ADRA1A: variants seen among roughly 807,000 people sequenced by gnomAD.
ADRA1A encodes alpha-1A adrenergic receptor.
ADRA1A carries 31 observed loss-of-function variants against 29.6 expected under a neutral mutation model. That is an observed-to-expected ratio of 1.05 (90% CI 0.79 to 1.41). The LOEUF is 1.41. Ranked by LOEUF, ADRA1A falls within the 40% of genes most tolerant of loss-of-function variation. ADRA1A has a pLI of 0.00. For synonymous variants in ADRA1A, 311 were observed against 254.3 expected, an observed-to-expected ratio of 1.22 and a Z score of -2.12; for missense variants, 619 against 601.1, an observed-to-expected ratio of 1.03 and a Z score of -0.31.
rs1813833580 is a variant in ADRA1A at position 26,865,400 on chromosome 8, G to T, written c.-431C>A. 1 of 1,006,980 alleles carries T rather than the reference G, an allele frequency of 9.9e-7. No homozygotes were observed. The highest frequency in any genetic ancestry group is 1.2e-6 in the Non-Finnish European group (1 of 842,968). The allele number at this position is 1,006,980 out of a possible 1,614,324, so 62.4% of individuals were successfully genotyped here. A position where few individuals can be genotyped will look rare whatever the true frequency, so the allele number is the denominator to read the frequency against. On this transcript the variant is annotated 5_prime_UTR_variant, in exon 2 of 3. Coordinates refer to ENST00000380573, the MANE Select transcript of ADRA1A (RefSeq NM_000680.4). The surrounding 1 kb of genome is among the most constrained non-coding windows in gnomAD (Gnocchi z 7.6). The stretch of plus-strand genomic sequence containing the variant: ...GATTCAGCATTCTGCACATGATTCG[G>T]AATTCAAAACTCCAGCGCCAGTCTC...
At chr8:26,811,898 T>C (rs1264237914) in intron 2 of ADRA1A, among the ~76,000 whole-genome samples, 2 of 152,252 alleles carry the variant, frequency 1.3e-5, no homozygotes, top group Non-Finnish European at 2.9e-5. Flanking sequence ...CATTGTTATA[T>C]GCATCAGTGC....
chr8:26,782,167 A>C (rs1470026351), intron 2 of ADRA1A, among the ~76,000 whole-genome samples: 12 of 152,174 alleles, frequency 7.9e-5, no homozygotes, highest in Admixed American at 7.9e-4. Context: ...CCCTGCCTGG[A>C]TTAAGCTAGG....
intron 2 of ADRA1A, among the ~76,000 whole-genome samples, chr8:26,824,574 C>A (rs186406266): frequency 6.6e-6 from 1 of 152,114 alleles, no homozygotes; most frequent in African/African-American, 2.4e-5. Flanking sequence ...CCTGTTCAAT[C>A]GAGTGCTCTT....
At position 26,775,954 on chromosome 8, in the gene ADRA1A, T is replaced by A. The variant is rs1316996324; in HGVS notation, c.884-5288A>T. Among the ~76,000 whole-genome samples the A allele has an allele frequency of 6.6e-6, 1 of 152,194 alleles. No individual in the cohort carries two copies. The highest frequency in any genetic ancestry group is 1.5e-5 in the Non-Finnish European group (1 of 68,036). ...CTATGTCTTTCCACTGAATGCTATA[T>A]CCATTGGGAAAATCTGACTTCATTT... is the stretch of plus-strand genomic sequence containing the variant. On this transcript the variant is annotated intron_variant, in intron 2 of 2. Transcript: ENST00000380573. The surrounding 1 kb of genome is among the most constrained non-coding windows in gnomAD (Gnocchi z 4.1).
intron 2 of ADRA1A, among the ~76,000 whole-genome samples, chr8:26,813,936 G>A (rs1321896185): frequency 6.6e-6 from 1 of 152,150 alleles, no homozygotes; most frequent in Non-Finnish European, 1.5e-5. Context: ...CTCTACAAGT[G>A]ACATGGACCT....
At chr8:26,828,431 T>C (rs1256168867) in intron 2 of ADRA1A, among the ~76,000 whole-genome samples, 7 of 152,178 alleles carry the variant, frequency 4.6e-5, no homozygotes, top group African/African-American at 1.7e-4. Flanking sequence ...TCCCTATCCC[T>C]GTTAAAATAA....
In ADRA1A at chr8:26,769,449, C is replaced by A. The variant is rs1382310919; in HGVS notation, c.*700G>T. 1 of 985,280 alleles carries A rather than the reference C, an allele frequency of 1.0e-6. No individual in the cohort carries two copies. Among genetic ancestry groups the A allele is most frequent in the Non-Finnish European group, 1.2e-6 (1 of 829,928 alleles). 61.0% of individuals were successfully genotyped at this position (985,280 alleles called of 1,614,324 possible). ...AAAAGCCATACCACCCTGGTTGGTT[C>A]TTTCAACCCTCTCCTGACCCAAGGA... is the stretch of plus-strand genomic sequence containing the variant. On this transcript the variant is annotated 3_prime_UTR_variant, in exon 3 of 3. Transcript: ENST00000380573.
chr8:26,856,017 T>A (rs1813020507), intron 2 of ADRA1A, among the ~76,000 whole-genome samples: 1 of 152,162 alleles, frequency 6.6e-6, no homozygotes, highest in African/African-American at 2.4e-5. Flanking sequence ...CTTGAAAGAG[T>A]CAGCTATTGT....
At chr8:26,856,262 G>A (rs1448108956) in intron 2 of ADRA1A, among the ~76,000 whole-genome samples, 1 of 152,192 alleles carries the variant, frequency 6.6e-6, no homozygotes, top group Non-Finnish European at 1.5e-5. Context: ...ACGGAAATAA[G>A]TTTTTTAAAT....
downstream of ADRA1A, among the ~76,000 whole-genome samples, chr8:26,767,174 A>G (rs1467757367): frequency 6.6e-6 from 1 of 152,166 alleles, no homozygotes; most frequent in Non-Finnish European, 1.5e-5. Flanking sequence ...GCCCTATCCC[A>G]TAATGTCACG....
chr8:26,766,331 C>T (rs1221630820), downstream of ADRA1A, among the ~76,000 whole-genome samples: 2 of 152,232 alleles, frequency 1.3e-5, no homozygotes, highest in African/African-American at 4.8e-5. Context: ...TTTTACTGTT[C>T]TTGGCCAATG....
chr8:26,861,736 G>A (rs1412111904), intron 2 of ADRA1A, among the ~76,000 whole-genome samples: 1 of 152,076 alleles, frequency 6.6e-6, no homozygotes, highest in African/African-American at 2.4e-5. Flanking sequence ...TTAGTGAAGT[G>A]CATTACTATT....
intron 2 of ADRA1A, among the ~76,000 whole-genome samples, chr8:26,771,405 A>G (rs1372060733): frequency 6.6e-6 from 1 of 150,692 alleles, no homozygotes; most frequent in Non-Finnish European, 1.5e-5. Flanking sequence ...CTTTTTCTCC[A>G]GGTCATTGAT....
intron 2 of ADRA1A, among the ~76,000 whole-genome samples, chr8:26,832,295 C>T (rs747810716): frequency 5.3e-5 from 8 of 152,202 alleles, no homozygotes; most frequent in Non-Finnish European, 1.0e-4. Flanking sequence ...GTTAAAATTG[C>T]AAGCACGCAT....
intron 2 of ADRA1A, among the ~76,000 whole-genome samples, chr8:26,829,613 A>G (rs1162076838): frequency 6.6e-6 from 1 of 152,200 alleles, no homozygotes. Context: ...ATATGATAAT[A>G]TGATAACATG....
Position 26,864,849 on chromosome 8 carries a change from C to G in ADRA1A, c.121G>C (p.Val41Leu). The change falls in exon 2 of 3, where the codon GTG becomes CTG. Residue 41 changes from valine (V) to leucine (L), a missense_variant. Transcript: ENST00000380573. The surrounding 1 kb of genome is among the most constrained non-coding windows in gnomAD (Gnocchi z 8.1). Reference protein sequence around the residue: ...VILGGLILFGVLGNILVILSV... With the variant: ...VILGGLILFGLLGNILVILSV... ...AGGATCACTAGGATGTTACCCAGCA[C>G]CCCGAAAAGAATGAGGCCCCCCAAG... is the stretch of plus-strand genomic sequence containing the variant. 1 of 1,614,028 alleles carries G rather than the reference C, an allele frequency of 6.2e-7. No individual in the cohort carries two copies. The highest frequency in any genetic ancestry group is 8.5e-7 in the Non-Finnish European group (1 of 1,180,020).
chr8:26,837,713 C>T (rs1383656475), intron 2 of ADRA1A, among the ~76,000 whole-genome samples: 1 of 151,792 alleles, frequency 6.6e-6, no homozygotes, highest in East Asian at 1.9e-4. Context: ...AACCGGTGCC[C>T]ACAGTGGGGA....
chr8:26,796,779 A>G lies in ADRA1A; in HGVS notation c.884-26113T>C, dbSNP rs1808221180. On this transcript the variant is annotated intron_variant, in intron 2 of 2. Coordinates refer to ENST00000380573, the MANE Select transcript of ADRA1A (RefSeq NM_000680.4). The surrounding 1 kb of genome is among the most constrained non-coding windows in gnomAD (Gnocchi z 5.0). ...CCCCTGAAATCGGGCACAGGCACAT[A>G]GATTTGATACCATGATTATCAGGCA... Among the ~76,000 whole-genome samples, 1 of 152,150 alleles carries G rather than the reference A, an allele frequency of 6.6e-6. No homozygotes were observed.
chr8:26,773,024 A>G (rs969631225), intron 2 of ADRA1A, among the ~76,000 whole-genome samples: 1 of 152,226 alleles, frequency 6.6e-6, no homozygotes, highest in African/African-American at 2.4e-5. Context: ...TGTGCTGAAC[A>G]CTTTCCATAT....
Sources: gnomAD v4.1 joint callset for allele counts (sites outside exome capture counted in the v4.1 genomes callset) on GRCh38, gnomAD v4.1.1 for gene constraint, Gnocchi (gnomAD v3.1) non-coding constraint, MANE v1.5 for transcripts, NCBI Gene and HGNC (gene_info 2026-07-23, HGNC 2026-07-21) for gene names.